TUBGCP4: variants seen among roughly 807,000 people sequenced by gnomAD.
The protein encoded by TUBGCP4 is gamma-tubulin complex component 4.
Under a neutral mutation model 91.6 loss-of-function variants are expected in TUBGCP4, and 54 were observed. That is an observed-to-expected ratio of 0.59 (90% CI 0.47 to 0.74). The LOEUF is 0.74. Among genes scored for constraint, TUBGCP4 ranks in the 30% least tolerant of loss-of-function variants. The pLI is 0.00. For synonymous variants in TUBGCP4, 297 were observed against 302.8 expected, an observed-to-expected ratio of 0.98 and a Z score of 0.20; for missense variants, 593 against 800.9, an observed-to-expected ratio of 0.74 and a Z score of 3.13.
intron 7 of TUBGCP4, among the ~76,000 whole-genome samples, chr15:43,384,731 T>C (rs1366303765): frequency 6.6e-6 from 1 of 151,922 alleles, no homozygotes; most frequent in East Asian, 1.9e-4. Flanking sequence ...CTGAAAAGAG[T>C]TGGGGGCTAT....
chr15:43,394,757 C>A, intron 9 of TUBGCP4: 1 of 304,940 alleles, frequency 3.3e-6, no homozygotes, highest in Non-Finnish European at 6.2e-6. Flanking sequence ...AGCACCTCCC[C>A]CTTGCTCTCT....
chr15:43,389,417 G>A (rs1484164216), intron 9 of TUBGCP4, among the ~76,000 whole-genome samples: 1 of 152,088 alleles, frequency 6.6e-6, no homozygotes, highest in Non-Finnish European at 1.5e-5. Flanking sequence ...TTGAGATGGA[G>A]TCTTGCTGTG....
intron 8 of TUBGCP4, 55 bp from the exon 9 acceptor site, chr15:43,386,151 C>T: frequency 6.4e-7 from 1 of 1,559,104 alleles, no homozygotes; most frequent in Middle Eastern, 1.8e-4. Context: ...CCAGAAAACC[C>T]TAACTGTCCT....
chr15:43,393,584 T>C (rs1046342103), intron 9 of TUBGCP4, among the ~76,000 whole-genome samples: 4 of 152,154 alleles, frequency 2.6e-5, no homozygotes, highest in South Asian at 2.1e-4. Context: ...CTCCTAATGC[T>C]ATCCCTCCCC....
chr15:43,400,549 C>T (rs1327850619), intron 14 of TUBGCP4, among the ~76,000 whole-genome samples: 7 of 152,104 alleles, frequency 4.6e-5, no homozygotes. Context: ...AGATACATGC[C>T]ACCACACCCA....
chr15:43,385,082 C>G (rs778698110), intron 7 of TUBGCP4, among the ~76,000 whole-genome samples: 1 of 151,898 alleles, frequency 6.6e-6, no homozygotes, highest in Non-Finnish European at 1.5e-5. Context: ...TGCTGGTATG[C>G]GGGGAAGAAG....
chr15:43,384,772 G>A (rs1240675832), intron 7 of TUBGCP4, among the ~76,000 whole-genome samples: 1 of 152,184 alleles, frequency 6.6e-6, no homozygotes, highest in African/African-American at 2.4e-5. Flanking sequence ...ACCACAGTCA[G>A]ACTTCATGAT....
In TUBGCP4 at chr15:43,408,224, TC is replaced by T; in HGVS notation, c.*3013del. The T allele has an allele frequency of 3.3e-6, 3 of 920,592 alleles. No homozygotes were observed. The highest frequency in any genetic ancestry group is 4.8e-6 in the Non-Finnish European group (3 of 626,782). The allele number at this position is 920,592 out of a possible 1,614,324, so 57.0% of individuals were successfully genotyped here. ...CAGACATAGTGTCTCAAGCCTGTAA[TC>T]CCAGCACTTTGGGAGGCTGTCGTGG... is the stretch of plus-strand genomic sequence containing the variant. On this transcript the variant is annotated 3_prime_UTR_variant, in exon 18 of 18. Coordinates refer to ENST00000564079, the MANE Select transcript of TUBGCP4 (RefSeq NM_014444.5).
chr15:43,383,859 G>A (rs934075118), intron 7 of TUBGCP4, among the ~76,000 whole-genome samples: 5 of 151,860 alleles, frequency 3.3e-5, no homozygotes, highest in African/African-American at 1.2e-4. Flanking sequence ...GGAGTGCGAT[G>A]GCGCAATCTT....
intron 9 of TUBGCP4, among the ~76,000 whole-genome samples, chr15:43,392,146 T>A (rs983149330): frequency 6.6e-6 from 1 of 151,526 alleles, no homozygotes; most frequent in Non-Finnish European, 1.5e-5. Context: ...GAATTCTGTG[T>A]TTCATTGATA....
rs117666748 is a variant in TUBGCP4, at chr15:43,390,838, G to A, written c.1015-4269G>A. ...CTTTAATTTAAAAAAAATTTGTAGA[G>A]ACAGCTTCTCGCTCTGTCACCCAAG... On this transcript the variant is annotated intron_variant, in intron 9 of 17. Transcript: ENST00000564079. Among the ~76,000 whole-genome samples, 4 of 152,122 alleles carry A rather than the reference G, an allele frequency of 2.6e-5. No homozygotes were observed. In the East Asian group the frequency reaches 7.7e-4, roughly 29 times the overall value.
At chr15:43,393,894 C>T (rs1158018398) in intron 9 of TUBGCP4, among the ~76,000 whole-genome samples, 5 of 152,104 alleles carry the variant, frequency 3.3e-5, no homozygotes, top group Non-Finnish European at 7.3e-5. Context: ...TCCCAAAATG[C>T]TGGGATTCCC....
chr15:43,406,440 G>GC lies in TUBGCP4; in HGVS notation c.*1228dup, dbSNP rs1237335085. On this transcript the variant is annotated 3_prime_UTR_variant, in exon 18 of 18. Transcript: ENST00000564079. ...CTGGAGCAGGAGCTGGCAAACTATG[G>GC]CCTGCTGTCTGTTTTTGTACAGTTT... The GC allele has an allele frequency of 5.7e-6, 2 of 349,930 alleles. No individual in the cohort carries two copies. The highest frequency in any genetic ancestry group is 4.3e-5 in the African/African-American group (2 of 46,710). 21.7% of individuals were successfully genotyped at this position (349,930 alleles called of 1,614,324 possible).
intron 7 of TUBGCP4, among the ~76,000 whole-genome samples, chr15:43,384,404 G>A (rs1334593592): frequency 6.6e-6 from 1 of 152,202 alleles, no homozygotes; most frequent in Non-Finnish European, 1.5e-5. Context: ...GGGTCTTGGA[G>A]TGACTAGGGA....
chr15:43,405,406 C>G lies in TUBGCP4; in HGVS notation c.*192C>G. 3.2e-6 allele frequency: 2 copies of G among 628,316 alleles called. No individual in the cohort carries two copies. The highest frequency in any genetic ancestry group is 5.6e-6 in the Non-Finnish European group (2 of 355,756). The allele number at this position is 628,316 out of a possible 1,614,324, so 38.9% of individuals were successfully genotyped here. A position where few individuals can be genotyped will look rare whatever the true frequency, so the allele number is the denominator to read the frequency against. On this transcript the variant is annotated 3_prime_UTR_variant, in exon 18 of 18. Coordinates refer to ENST00000564079, the MANE Select transcript of TUBGCP4 (RefSeq NM_014444.5). Reference sequence around the variant, plus strand: ...TCCCATCATTCCCATGTGGAAGGGTCTCTCCCATCAAGGAGAACATGTGGC... The same window carrying G: ...TCCCATCATTCCCATGTGGAAGGGTGTCTCCCATCAAGGAGAACATGTGGC...
intron 15 of TUBGCP4, chr15:43,403,420 G>T (rs2044740537): frequency 6.3e-6 from 2 of 319,086 alleles, no homozygotes; most frequent in Non-Finnish European, 1.2e-5. Flanking sequence ...TCTAAGAAAT[G>T]AAGAGTTAAA....
At position 43,408,989 on chromosome 15, in the gene TUBGCP4, G is replaced by T; in HGVS notation, c.*3775G>T. The T allele has an allele frequency of 6.2e-7, 1 of 1,614,164 alleles. No individual in the cohort carries two copies. Among genetic ancestry groups the T allele is most frequent in the Non-Finnish European group, 8.5e-7 (1 of 1,180,024 alleles). On this transcript the variant is annotated 3_prime_UTR_variant, in exon 18 of 18. Coordinates refer to ENST00000564079, the MANE Select transcript of TUBGCP4 (RefSeq NM_014444.5). ...GCTGGTTGGCATGGCAACTATCATG[G>T]ACCCAGACATGAGACACACAAGGAA...
chr15:43,380,259 C>A, intron 6 of TUBGCP4, 96 bp downstream of exon 6: 1 of 1,156,070 alleles, frequency 8.6e-7, no homozygotes, highest in South Asian at 1.3e-5. Flanking sequence ...TCAGGTTTCC[C>A]TCTTGGGAAG....
intron 14 of TUBGCP4, 27 bp from the exon 15 acceptor site, chr15:43,401,689 G>A: frequency 6.2e-7 from 1 of 1,612,230 alleles, no homozygotes. Context: ...TATGCAAAGT[G>A]CTAAAATTTT....
Sources: allele counts gnomAD v4.1 joint callset (sites outside exome capture counted in the v4.1 genomes callset), GRCh38; gene constraint gnomAD v4.1.1; transcripts MANE v1.5; gene names NCBI Gene and HGNC (gene_info 2026-07-23, HGNC 2026-07-21).